Variants in LRP5 observed in about 807,000 individuals in gnomAD.
LRP5 encodes LDL receptor related protein 5.
LRP5 carries 62 observed loss-of-function variants against 154.1 expected under a neutral mutation model. The ratio of observed to expected loss-of-function variants is 0.40; its 90% CI spans 0.33 to 0.50. The LOEUF (loss-of-function observed/expected upper bound fraction) is 0.50. LRP5 is among the 20% of genes least tolerant of loss of function. The pLI, the probability that LRP5 is intolerant of heterozygous loss-of-function variation, is 0.55. For synonymous variants in LRP5, 966 were observed against 1,011.5 expected, an observed-to-expected ratio of 0.96 and a Z score of 0.85; for missense variants, 1,915 against 2,336.7, an observed-to-expected ratio of 0.82 and a Z score of 3.72.
intron 17 of LRP5, among the ~76,000 whole-genome samples, chr11:68,432,623 G>A (rs1017439025): frequency 3.9e-5 from 6 of 152,224 alleles, no homozygotes; most frequent in African/African-American, 1.4e-4. Context: ...TTTCAGCTTG[G>A]CGGGGGCTTT....
chr11:68,376,171 CTTTTTTTT>C (rs60401481), intron 5 of LRP5, among the ~76,000 whole-genome samples: 1 of 92,832 alleles, frequency 1.1e-5, no homozygotes, highest in African/African-American at 4.1e-5. Flanking sequence ...GGCCCTGCTT[CTTTTTTTT>C]TTTTTTTTTT....
chr11:68,326,855 G>A (rs1565318838), intron 1 of LRP5, among the ~76,000 whole-genome samples: 1 of 152,204 alleles, frequency 6.6e-6, no homozygotes, highest in South Asian at 2.1e-4. Flanking sequence ...CTCATGGTGG[G>A]GAGGGGTCCC....
rs563267121 is a variant in LRP5 at position 68,342,796 on chromosome 11, C to A, written c.92-5051C>A. On this transcript the variant is annotated intron_variant, in intron 1 of 22. Coordinates refer to ENST00000294304, the MANE Select transcript of LRP5 (RefSeq NM_002335.4). ...AATTAAAAAACACCTCCATCTCTGG[C>A]CTTTGAAGAATGCATCTGAACAGCC... is the stretch of plus-strand genomic sequence containing the variant. Among the ~76,000 whole-genome samples the A allele has an allele frequency of 4.6e-5, 7 of 152,342 alleles. No homozygotes were observed. In the East Asian group the frequency reaches 1.2e-3, roughly 25 times the overall value.
intron 2 of LRP5, among the ~76,000 whole-genome samples, chr11:68,357,052 C>T (rs61535616): frequency 0.033 from 5,011 of 151,988 alleles, 306 homozygotes; most frequent in African/African-American, 0.12. Context: ...TCTCCTGCCT[C>T]AGCCTCCTAA....
At chr11:68,351,521 G>A (rs2098618507) in intron 2 of LRP5, among the ~76,000 whole-genome samples, 1 of 152,164 alleles carries the variant, frequency 6.6e-6, no homozygotes, top group Non-Finnish European at 1.5e-5. Flanking sequence ...TCCCAGGGCC[G>A]GCCTGCGGTT....
chr11:68,339,359 T>A (rs1441399909), intron 1 of LRP5, among the ~76,000 whole-genome samples: 1 of 151,810 alleles, frequency 6.6e-6, no homozygotes, highest in African/African-American at 2.4e-5. Flanking sequence ...TTTTTTCTTT[T>A]TTTTCCGAAA....
intron 5 of LRP5, among the ~76,000 whole-genome samples, chr11:68,384,898 G>A (rs1330390702): frequency 2.6e-5 from 4 of 152,210 alleles, no homozygotes; most frequent in Admixed American, 6.5e-5. Context: ...GGGCCTGAGC[G>A]GCGGGACCCC....
At position 68,362,959 on chromosome 11, in the gene LRP5, C is replaced by G. The variant is rs2098628885; in HGVS notation, c.687-788C>G. ...ATTAAGCAAATAAAACTGCACATTA[C>G]CGACCACGTCACATTATGATCCTGT... On this transcript the variant is annotated intron_variant, in intron 3 of 22. Transcript: ENST00000294304. 3.9e-5 allele frequency among the ~76,000 whole-genome samples: 6 copies of G among 152,210 alleles called. No homozygotes were observed. In the South Asian group the frequency reaches 1.2e-3, roughly 32 times the overall value.
At chr11:68,339,107 C>T (rs2098607384) in intron 1 of LRP5, among the ~76,000 whole-genome samples, 1 of 151,726 alleles carries the variant, frequency 6.6e-6, no homozygotes, top group Non-Finnish European at 1.5e-5. Context: ...CTCCTGACCT[C>T]AGATGATCTG....
At chr11:68,446,641 G>T in intron 22 of LRP5, 108 bp downstream of exon 22, 1 of 1,022,566 alleles carries the variant, frequency 9.8e-7, no homozygotes, top group Non-Finnish European at 1.5e-6. Flanking sequence ...GGGTGCTAGT[G>T]GGCAGGTGCC....
At chr11:68,435,378 T>C (rs931375063) in intron 18 of LRP5, among the ~76,000 whole-genome samples, 21 of 152,188 alleles carry the variant, frequency 1.4e-4, no homozygotes, top group African/African-American at 5.1e-4. Flanking sequence ...AGCACCAGTA[T>C]GGCACCCGCA....
chr11:68,350,547 C>T (rs1208308014), intron 2 of LRP5, among the ~76,000 whole-genome samples: 2 of 152,258 alleles, frequency 1.3e-5, no homozygotes, highest in African/African-American at 4.8e-5. Flanking sequence ...TTGCCCTTTG[C>T]AGTGACCTCC....
At chr11:68,348,386 G>A in intron 2 of LRP5, 143 bp downstream of exon 2, 1 of 938,746 alleles carries the variant, frequency 1.1e-6, no homozygotes, top group Admixed American at 3.1e-5. Flanking sequence ...GCTCAGGCCT[G>A]TAACCCCAGC....
Position 68,413,144 on chromosome 11 carries a change from A to C in LRP5, c.2504-545A>C. The C allele has an allele frequency of 4.9e-6, 1 of 204,932 alleles. No homozygotes were observed. The highest frequency in any genetic ancestry group is 1.7e-4 in the South Asian group (1 of 5,898). The allele number at this position is 204,932 out of a possible 1,614,324, so 12.7% of individuals were successfully genotyped here. A position where few individuals can be genotyped will look rare whatever the true frequency, so the allele number is the denominator to read the frequency against. On this transcript the variant is annotated intron_variant, in intron 11 of 22. Coordinates refer to ENST00000294304, the MANE Select transcript of LRP5 (RefSeq NM_002335.4). This position sits in a 1 kb window ranked among gnomAD's most constrained non-coding sequence, Gnocchi z 5.1. ...ATGCAAACCTGTTGCCAGGCGAGAA[A>C]CCAGTCACCGCACAGCTGTGGTTGC... is the stretch of plus-strand genomic sequence containing the variant.
At chr11:68,368,319 TG>T (rs2098632210) in intron 5 of LRP5, among the ~76,000 whole-genome samples, 1 of 152,014 alleles carries the variant, frequency 6.6e-6, no homozygotes, top group South Asian at 2.1e-4. Flanking sequence ...ACTCCTGTAC[TG>T]GGGGTGTGGC....
Position 68,409,979 on chromosome 11 carries a change from C to A in LRP5, c.2157C>A (p.Tyr719Ter). 1 of 1,614,136 alleles carries A rather than the reference C, an allele frequency of 6.2e-7. No individual in the cohort carries two copies. The highest frequency in any genetic ancestry group is 8.5e-7 in the Non-Finnish European group (1 of 1,180,030). The stretch of plus-strand genomic sequence containing the variant: ...ACGTGGTGGAGTTTGGCCTTGACTA[C>A]CCCGAGGGCATGGCCGTTGACTGGA... ...VEHVVEFGLDYPEGMAVDWMG... is the reference protein window; with the variant it reads ...VEHVVEFGLD Residue 719 changes from tyrosine (Y) to a stop codon, truncating the protein, a stop_gained, in exon 10 of 23, where the codon TAC (tyrosine) becomes TAA (stop). Transcript: ENST00000294304. LOFTEE classifies it high-confidence loss of function.
At chr11:68,327,116 G>A (rs2098600165) in intron 1 of LRP5, among the ~76,000 whole-genome samples, 1 of 152,220 alleles carries the variant, frequency 6.6e-6, no homozygotes. Flanking sequence ...GCCTGCGGTG[G>A]GATCCCACCC....
chr11:68,423,349 C>T lies in LRP5; in HGVS notation c.3028-140C>T, dbSNP rs1565100483. ...GCCTCTGCTGTCCTGCCAGAGCTCT[C>T]CAGCCAGTGCCCAGGGCTCTCCAGC... On this transcript the variant is annotated intron_variant, in intron 13 of 22. Coordinates refer to ENST00000294304, the MANE Select transcript of LRP5 (RefSeq NM_002335.4). The surrounding 1 kb of genome is among the most constrained non-coding windows in gnomAD (Gnocchi z 4.7). 16 of 794,004 alleles carry T rather than the reference C, an allele frequency of 2.0e-5. No individual in the cohort carries two copies. Among genetic ancestry groups the T allele is most frequent in the Non-Finnish European group, 2.9e-5 (13 of 448,266 alleles). The allele number at this position is 794,004 out of a possible 1,614,324, so 49.2% of individuals were successfully genotyped here.
At chr11:68,332,060 C>G (rs2375434) in intron 1 of LRP5, among the ~76,000 whole-genome samples, 1 of 152,080 alleles carries the variant, frequency 6.6e-6, no homozygotes, top group Non-Finnish European at 1.5e-5. Flanking sequence ...TCCAGGCTTT[C>G]TCTCTCCCCA....
Sources: allele counts gnomAD v4.1 joint callset (sites outside exome capture counted in the v4.1 genomes callset), GRCh38; gene constraint gnomAD v4.1.1; non-coding constraint Gnocchi (gnomAD v3.1); transcripts MANE v1.5; gene names NCBI Gene and HGNC (gene_info 2026-07-23, HGNC 2026-07-21).